Variants in ST3GAL3 observed in about 807,000 individuals in gnomAD.
The protein encoded by ST3GAL3 is ST3 beta-galactoside alpha-2,3-sialyltransferase 3.
Under a neutral mutation model 50.1 loss-of-function variants are expected in ST3GAL3, and 21 were observed. The observed-to-expected ratio is 0.42, with a 90% CI of 0.30 to 0.60. ST3GAL3 has a LOEUF of 0.60. Ranked by LOEUF, ST3GAL3 falls within the 20% of genes least tolerant of loss-of-function variation. The pLI, the probability that ST3GAL3 is intolerant of heterozygous loss-of-function variation, is 0.19. For synonymous variants in ST3GAL3, 183 were observed against 190.0 expected, an observed-to-expected ratio of 0.96 and a Z score of 0.30; for missense variants, 353 against 489.4, an observed-to-expected ratio of 0.72 and a Z score of 2.63.
At chr1:43,855,152 C>T (rs2068090289) in intron 5 of ST3GAL3, among the ~76,000 whole-genome samples, 1 of 152,118 alleles carries the variant, frequency 6.6e-6, no homozygotes, top group African/African-American at 2.4e-5. Flanking sequence ...TTACATTCCA[C>T]TGGCAGACAC....
intron 5 of ST3GAL3, among the ~76,000 whole-genome samples, chr1:43,867,902 A>G (rs2071720565): frequency 6.6e-6 from 1 of 152,246 alleles, no homozygotes. Context: ...GAAAGATTAG[A>G]GGAAATCAGA....
intron 1 of ST3GAL3, among the ~76,000 whole-genome samples, chr1:43,725,934 C>T (rs904444108): frequency 1.3e-5 from 2 of 152,092 alleles, no homozygotes; most frequent in Non-Finnish European, 2.9e-5. Flanking sequence ...CGTGAGCCAT[C>T]GCACCCAGCC....
At chr1:43,748,649 C>T (rs946765393) in intron 2 of ST3GAL3, among the ~76,000 whole-genome samples, 1 of 152,146 alleles carries the variant, frequency 6.6e-6, no homozygotes, top group African/African-American at 2.4e-5. Context: ...TCCTGAACTC[C>T]TGTTGTCAAA....
Position 43,889,583 on chromosome 1 carries a change from G to T in ST3GAL3, c.303-4800G>T, listed in dbSNP as rs1004639003. 2.6e-5 allele frequency among the ~76,000 whole-genome samples: 4 copies of T among 152,320 alleles called. No individual in the cohort carries two copies. In the East Asian group the frequency reaches 7.7e-4, roughly 29 times the overall value. ...GGTATACCCTAAGGCAGAAGGAACT[G>T]CAAAGAAACCTTAAATTGTTTTTAG... is the stretch of plus-strand genomic sequence containing the variant. On this transcript the variant is annotated intron_variant, in intron 5 of 11. Coordinates refer to ENST00000347631, the MANE Select transcript of ST3GAL3 (RefSeq NM_006279.5).
In ST3GAL3 at chr1:43,930,341, G is replaced by A; in HGVS notation, c.*120G>A. 3.1e-6 allele frequency: 3 copies of A among 964,228 alleles called. No homozygotes were observed. Among genetic ancestry groups the A allele is most frequent in the South Asian group, 2.6e-5 (2 of 77,390 alleles). 59.7% of individuals were successfully genotyped at this position (964,228 alleles called of 1,614,324 possible). ...TGCCAAGGGCCCCAGGGGCAGCAAG[G>A]CCTTGGTGGAGCAGCCAGAGCTGTG... is the stretch of plus-strand genomic sequence containing the variant. On this transcript the variant is annotated 3_prime_UTR_variant, in exon 12 of 12. Coordinates refer to ENST00000347631, the MANE Select transcript of ST3GAL3 (RefSeq NM_006279.5).
chr1:43,899,390 G>A lies in ST3GAL3; in HGVS notation c.557+127G>A. 1 of 1,587,278 alleles carries A rather than the reference G, an allele frequency of 6.3e-7. No homozygotes were observed. The highest frequency in any genetic ancestry group is 2.3e-5 in the East Asian group (1 of 43,554). ...ACGGAAGCCTCAAGAACTCTGGGTT[G>A]GAGGGCTTTGGAACAGACAACTAGC... On this transcript the variant is annotated intron_variant, in intron 8 of 11. Transcript: ENST00000347631. The surrounding 1 kb of genome is among the most constrained non-coding windows in gnomAD (Gnocchi z 5.4).
intron 4 of ST3GAL3, chr1:43,831,750 CA>C (rs2154192366): frequency 6.6e-6 from 1 of 152,188 alleles, no homozygotes; most frequent in Non-Finnish European, 1.5e-5. Flanking sequence ...CTTTGTTGGT[CA>C]TGAACACACA....
At chr1:43,871,599 GTGTGAGGGAGAAGATGGGA>G (rs1445327441) in intron 5 of ST3GAL3, among the ~76,000 whole-genome samples, 2 of 122,052 alleles carry the variant, frequency 1.6e-5, no homozygotes, top group Non-Finnish European at 1.7e-5. Flanking sequence ...AGAGGATGGG[GTGTGAGGGAGAAGATGGGA>G]TGTGAGGGAG....
At chr1:43,902,431 A>G (rs1423473652) in intron 9 of ST3GAL3, among the ~76,000 whole-genome samples, 1 of 152,210 alleles carries the variant, frequency 6.6e-6, no homozygotes, top group Admixed American at 6.5e-5. Flanking sequence ...AGATGTAGGA[A>G]AGGACAGCCA....
At chr1:43,914,969 T>C (rs78745580) in intron 9 of ST3GAL3, among the ~76,000 whole-genome samples, 6,584 of 152,304 alleles carry the variant, frequency 0.043, 169 homozygotes, top group East Asian at 0.13. Context: ...TCCCTCCCTT[T>C]ACCTCCCTTA....
At chr1:43,787,796 C>T (rs1390401950) in intron 2 of ST3GAL3, among the ~76,000 whole-genome samples, 3 of 151,956 alleles carry the variant, frequency 2.0e-5, no homozygotes, top group East Asian at 1.9e-4. Context: ...TGGGGCCTGG[C>T]GTGTAATAGC....
At position 43,884,332 on chromosome 1, in the gene ST3GAL3, C is replaced by T. The variant is rs976841824; in HGVS notation, c.303-10051C>T. On this transcript the variant is annotated intron_variant, in intron 5 of 11. Coordinates refer to ENST00000347631, the MANE Select transcript of ST3GAL3 (RefSeq NM_006279.5). ...CTTAAACTTACCATCCTTTCTCCTT[C>T]GACTCCTGCTCTCCCATAGGACCCA... Among the ~76,000 whole-genome samples, 3 of 152,216 alleles carry T rather than the reference C, an allele frequency of 2.0e-5. No individual in the cohort carries two copies. The South Asian group carries it at 6.2e-4, about 32-fold the overall frequency.
At chr1:43,929,585 G>A (rs566342742) in intron 11 of ST3GAL3, among the ~76,000 whole-genome samples, 1 of 152,358 alleles carries the variant, frequency 6.6e-6, no homozygotes, top group African/African-American at 2.4e-5. Flanking sequence ...ACAGGCGTGA[G>A]CCACCGCGCC....
At chr1:43,753,777 C>G (rs993030884) in intron 2 of ST3GAL3, among the ~76,000 whole-genome samples, 2 of 152,164 alleles carry the variant, frequency 1.3e-5, no homozygotes, top group Non-Finnish European at 2.9e-5. Context: ...CTCTGGTATC[C>G]CAGTTCTTTA....
Position 43,930,337 on chromosome 1 carries a change from C to T in ST3GAL3, c.*116C>T. 9.9e-7 allele frequency: 1 copy of T among 1,008,962 alleles called. No homozygotes were observed. Among genetic ancestry groups the T allele is most frequent in the Non-Finnish European group, 1.6e-6 (1 of 644,568 alleles). 62.5% of individuals were successfully genotyped at this position (1,008,962 alleles called of 1,614,324 possible). On this transcript the variant is annotated 3_prime_UTR_variant, in exon 12 of 12. Coordinates refer to ENST00000347631, the MANE Select transcript of ST3GAL3 (RefSeq NM_006279.5). ...ACGGTGCCAAGGGCCCCAGGGGCAG[C>T]AAGGCCTTGGTGGAGCAGCCAGAGC...
chr1:43,900,993 T>C (rs2078187140), intron 9 of ST3GAL3, among the ~76,000 whole-genome samples: 1 of 152,260 alleles, frequency 6.6e-6, no homozygotes, highest in African/African-American at 2.4e-5. Flanking sequence ...GCAGGCCCAC[T>C]GCCCACACAG....
intron 4 of ST3GAL3, among the ~76,000 whole-genome samples, chr1:43,823,880 G>A (rs1252196714): frequency 6.6e-6 from 1 of 152,190 alleles, no homozygotes; most frequent in Admixed American, 6.5e-5. Flanking sequence ...AGAACTAAAT[G>A]TGATCAAGCC....
At chr1:43,776,906 C>T (rs1697462244) in intron 2 of ST3GAL3, among the ~76,000 whole-genome samples, 1 of 152,112 alleles carries the variant, frequency 6.6e-6, no homozygotes, top group South Asian at 2.1e-4. Context: ...TTCATTTTTG[C>T]CCCTTCTCTG....
At chr1:43,715,679 A>G (rs1355259191) in intron 1 of ST3GAL3, among the ~76,000 whole-genome samples, 3 of 152,082 alleles carry the variant, frequency 2.0e-5, no homozygotes, top group South Asian at 2.1e-4. Flanking sequence ...AGTCCCAGCT[A>G]CTAGGGAGGC....
Sources: gnomAD v4.1 joint callset for allele counts (sites outside exome capture counted in the v4.1 genomes callset) on GRCh38, gnomAD v4.1.1 for gene constraint, Gnocchi (gnomAD v3.1) non-coding constraint, MANE v1.5 for transcripts, NCBI Gene and HGNC (gene_info 2026-07-23, HGNC 2026-07-21) for gene names.